SPAG16: variants seen among roughly 807,000 people sequenced by gnomAD.
SPAG16 encodes the protein sperm-associated antigen 16 protein.
A neutral mutation model predicts 80.4 loss-of-function variants in SPAG16; 86 were observed. That is an observed-to-expected ratio of 1.07 (90% CI 0.90 to 1.28). The LOEUF (loss-of-function observed/expected upper bound fraction) is 1.28. Ranked by LOEUF, SPAG16 falls within the 50% of genes most tolerant of loss-of-function variation. The pLI is 0.00. For synonymous variants in SPAG16, 294 were observed against 265.9 expected, an observed-to-expected ratio of 1.11 and a Z score of -1.03; for missense variants, 870 against 765.3, an observed-to-expected ratio of 1.14 and a Z score of -1.61.
At chr2:214,157,786 C>T (rs1349776715) in intron 15 of SPAG16, among the ~76,000 whole-genome samples, 2 of 151,994 alleles carry the variant, frequency 1.3e-5, no homozygotes, top group Non-Finnish European at 1.5e-5. Context: ...ATAATTTATT[C>T]AGGAAACGAA....
intron 10 of SPAG16, among the ~76,000 whole-genome samples, chr2:213,673,414 C>T (rs898765362): frequency 1.3e-5 from 2 of 152,078 alleles, no homozygotes; most frequent in African/African-American, 4.8e-5. Flanking sequence ...TTTTAACATG[C>T]AGTTATTGGG....
intron 10 of SPAG16, among the ~76,000 whole-genome samples, chr2:213,509,597 T>C (rs1296205313): frequency 6.6e-6 from 1 of 152,198 alleles, no homozygotes; most frequent in African/African-American, 2.4e-5. Flanking sequence ...GCCGTTGGAA[T>C]AAAGATGTTC....
intron 15 of SPAG16, among the ~76,000 whole-genome samples, chr2:214,160,592 C>A (rs950497501): frequency 7.9e-5 from 12 of 151,846 alleles, no homozygotes; most frequent in Non-Finnish European, 1.6e-4. Flanking sequence ...TTCATTCTTT[C>A]CCATTCTCCA....
intron 11 of SPAG16, among the ~76,000 whole-genome samples, chr2:213,920,417 C>T (rs368841054): frequency 2.6e-5 from 4 of 152,138 alleles, no homozygotes; most frequent in South Asian, 2.1e-4. Flanking sequence ...TGCACACACA[C>T]GTTGGCATGG....
intron 10 of SPAG16, among the ~76,000 whole-genome samples, chr2:213,659,981 T>C (rs1331432873): frequency 1.3e-5 from 2 of 151,644 alleles, no homozygotes; most frequent in Non-Finnish European, 2.9e-5. Flanking sequence ...CTTTTCTTTC[T>C]TTTTTTTAAG....
At chr2:213,747,183 T>C (rs1280299521) in intron 10 of SPAG16, among the ~76,000 whole-genome samples, 1 of 152,162 alleles carries the variant, frequency 6.6e-6, no homozygotes, top group Non-Finnish European at 1.5e-5. Flanking sequence ...CAGTAAAAGA[T>C]AACAGTTTTT....
chr2:214,118,521 C>T (rs1189286846), intron 14 of SPAG16, among the ~76,000 whole-genome samples: 4 of 152,120 alleles, frequency 2.6e-5, no homozygotes, highest in African/African-American at 9.7e-5. Flanking sequence ...AACTTAAAAT[C>T]ATGGCAGAAG....
chr2:213,801,365 TTC>T (rs1405816425), intron 10 of SPAG16, among the ~76,000 whole-genome samples: 1 of 152,240 alleles, frequency 6.6e-6, no homozygotes, highest in East Asian at 1.9e-4. Context: ...TGTCAGTAAA[TTC>T]TGTCATTTAT....
Position 213,533,420 on chromosome 2 carries a change from GACAA to G in SPAG16, c.1070+43335_1070+43338del, listed in dbSNP as rs1048444156. On this transcript the variant is annotated intron_variant, in intron 10 of 15. Transcript: ENST00000331683. ...AAAGGCAGAAACATTTATCTTCACTGACAAACAATTTGTGAATACCTTCCTTGGG... is the reference window on the plus strand; with the variant it reads ...AAAGGCAGAAACATTTATCTTCACTGACAATTTGTGAATACCTTCCTTGGG... Among the ~76,000 whole-genome samples the G allele has an allele frequency of 2.2e-4, 33 of 152,090 alleles. 1 individual carries two copies. Among genetic ancestry groups the G allele is most frequent in the African/African-American group, 6.3e-4 (26 of 41,416 alleles).
At chr2:214,216,615 C>T (rs1333957559) in intron 15 of SPAG16, among the ~76,000 whole-genome samples, 2 of 152,204 alleles carry the variant, frequency 1.3e-5, no homozygotes, top group East Asian at 1.9e-4. Context: ...CCACTGCGCC[C>T]GGCCAGTGCT....
At chr2:213,747,428 G>A (rs950525082) in intron 10 of SPAG16, among the ~76,000 whole-genome samples, 10 of 152,050 alleles carry the variant, frequency 6.6e-5, no homozygotes, top group South Asian at 4.1e-4. Context: ...GTACACTAGC[G>A]TCCTAGGCCT....
intron 10 of SPAG16, among the ~76,000 whole-genome samples, chr2:213,675,223 G>A (rs2064000846): frequency 6.6e-6 from 1 of 152,140 alleles, no homozygotes; most frequent in African/African-American, 2.4e-5. Context: ...CCCACTTTTT[G>A]ATGGGCTTGT....
intron 6 of SPAG16, among the ~76,000 whole-genome samples, chr2:213,345,005 A>G (rs1262303922): frequency 1.3e-5 from 2 of 151,704 alleles, no homozygotes; most frequent in African/African-American, 4.8e-5. Context: ...CAACAGTGTA[A>G]AAGTGTTCCT....
At chr2:213,964,487 T>G (rs2044607429) in intron 12 of SPAG16, among the ~76,000 whole-genome samples, 1 of 152,176 alleles carries the variant, frequency 6.6e-6, no homozygotes, top group South Asian at 2.1e-4. Flanking sequence ...ATAGTTTTTC[T>G]GGACACAGTT....
chr2:213,776,374 T>C (rs1409284262), intron 10 of SPAG16, among the ~76,000 whole-genome samples: 4 of 152,080 alleles, frequency 2.6e-5, no homozygotes, highest in African/African-American at 7.2e-5. Flanking sequence ...TCACTAGAAG[T>C]TGGAAACAGC....
At chr2:213,482,186 G>A (rs1438962558) in intron 9 of SPAG16, among the ~76,000 whole-genome samples, 1 of 152,226 alleles carries the variant, frequency 6.6e-6, no homozygotes, top group East Asian at 1.9e-4. Context: ...ACCACAGGCT[G>A]GATGGGAGTT....
chr2:213,765,804 G>T (rs560992711), intron 10 of SPAG16, among the ~76,000 whole-genome samples: 28 of 152,320 alleles, frequency 1.8e-4, no homozygotes, highest in East Asian at 5.8e-4. Flanking sequence ...ACAGAGGTAT[G>T]GTTGTGCTGG....
intron 9 of SPAG16, among the ~76,000 whole-genome samples, chr2:213,465,142 C>T (rs1005439375): frequency 5.3e-5 from 8 of 152,116 alleles, no homozygotes; most frequent in Admixed American, 2.0e-4. Context: ...GTTAATTTCC[C>T]GATGGTACTT....
intron 10 of SPAG16, among the ~76,000 whole-genome samples, chr2:213,683,459 G>A (rs1400795031): frequency 6.6e-6 from 1 of 152,002 alleles, no homozygotes; most frequent in East Asian, 1.9e-4. Context: ...GCTGAGGCAG[G>A]AGAATGGCTT....
Sources: gnomAD v4.1 joint callset for allele counts (sites outside exome capture counted in the v4.1 genomes callset) on GRCh38, gnomAD v4.1.1 for gene constraint, MANE v1.5 for transcripts, NCBI Gene and HGNC (gene_info 2026-07-23, HGNC 2026-07-21) for gene names.